GPC3: variants seen among roughly 807,000 people sequenced by gnomAD.
GPC3 encodes the protein glypican 3.
In GPC3, 3 loss-of-function variants were observed where a neutral mutation model predicts 34.4. That is an observed-to-expected ratio of 0.09 (90% CI 0.04 to 0.23). The LOEUF (loss-of-function observed/expected upper bound fraction) is 0.23, where lower values mean the gene tolerates loss of function less well. Among genes scored for constraint, GPC3 ranks in the 10% least tolerant of loss-of-function variants. The pLI is 1.00. For synonymous variants in GPC3, 177 were observed against 174.0 expected (o/e 1.02, Z -0.13); for missense variants, 351 against 445.6 (o/e 0.79, Z 1.91).
chrX:133,777,290 A>G (rs756078014), intron 2 of GPC3, among the ~76,000 whole-genome samples: 22 of 110,617 alleles, frequency 2.0e-4, no homozygotes, highest in Non-Finnish European at 3.6e-4. Context: ...TCTAAGTCTC[A>G]AGCAATTCCT....
At chrX:133,848,162 C>A (rs968419097) in intron 2 of GPC3, among the ~76,000 whole-genome samples, 5 of 111,512 alleles carry the variant, frequency 4.5e-5, no homozygotes, top group Non-Finnish European at 7.5e-5. Flanking sequence ...TCCATTACAG[C>A]CAAGAATTCA....
chrX:133,909,294 AT>A (rs1337726181), intron 2 of GPC3, among the ~76,000 whole-genome samples: 1 of 112,535 alleles, frequency 8.9e-6, no homozygotes, highest in Non-Finnish European at 1.9e-5. Flanking sequence ...TTCACAATCT[AT>A]GCACAAGGAT....
chrX:133,862,175 C>T (rs2075939961), intron 2 of GPC3, among the ~76,000 whole-genome samples: 1 of 109,971 alleles, frequency 9.1e-6, no homozygotes, highest in Non-Finnish European at 1.9e-5. Context: ...GTCTTTCTGT[C>T]TAATCTGCAT....
intron 2 of GPC3, among the ~76,000 whole-genome samples, chrX:133,926,776 T>TCCCCCCCCCCCCCCCCCCCCC (rs1243113420): frequency 9.4e-6 from 1 of 106,187 alleles, no homozygotes; most frequent in African/African-American, 3.4e-5. Context: ...AAAAATACCG[T>TCCCCCCCCCCCCCCCCCCCCC]CCCCCCTCCG....
At chrX:133,816,087 G>A (rs896798422) in intron 2 of GPC3, among the ~76,000 whole-genome samples, 1 of 110,668 alleles carries the variant, frequency 9.0e-6, no homozygotes, top group African/African-American at 3.3e-5. Flanking sequence ...ATCTCCTTCT[G>A]TCACCCAGGC....
chrX:133,554,721 T>C (rs1229290133), intron 7 of GPC3, among the ~76,000 whole-genome samples: 1 of 110,935 alleles, frequency 9.0e-6, no homozygotes, highest in East Asian at 2.8e-4. Context: ...AATAGCCAAT[T>C]GGAATTAGCT....
chrX:133,820,482 G>A (rs2075713816), intron 2 of GPC3, among the ~76,000 whole-genome samples: 1 of 111,577 alleles, frequency 9.0e-6, no homozygotes, highest in African/African-American at 3.3e-5. Context: ...GACTTTGAGT[G>A]GCAGTAAAAT....
intron 7 of GPC3, among the ~76,000 whole-genome samples, chrX:133,573,864 T>C (rs2069653096): frequency 8.9e-6 from 1 of 112,363 alleles, no homozygotes; most frequent in Non-Finnish European, 1.9e-5. Context: ...TGTTCCCACT[T>C]TTTGGCTATA....
At chrX:133,810,741 T>C (rs1294983128) in intron 2 of GPC3, among the ~76,000 whole-genome samples, 1 of 105,843 alleles carries the variant, frequency 9.4e-6, no homozygotes, top group East Asian at 2.9e-4. Context: ...CCGTCTCTAC[T>C]AAAAATACAA....
At chrX:133,903,799 C>G (rs1221420052) in intron 2 of GPC3, among the ~76,000 whole-genome samples, 1 of 111,406 alleles carries the variant, frequency 9.0e-6, no homozygotes, top group East Asian at 2.8e-4. Flanking sequence ...GGCACTCAGT[C>G]TTCCTCTCCC....
At chrX:133,696,808 C>T (rs916469361) in intron 4 of GPC3, among the ~76,000 whole-genome samples, 5 of 112,767 alleles carry the variant, frequency 4.4e-5, no homozygotes, top group African/African-American at 1.6e-4. Context: ...AAATGTCAAA[C>T]ATAGCATTGA....
intron 2 of GPC3, among the ~76,000 whole-genome samples, chrX:133,843,930 A>G (rs1007458295): frequency 3.6e-5 from 4 of 112,119 alleles, no homozygotes; most frequent in Non-Finnish European, 5.6e-5. Context: ...ATCTTTCCTT[A>G]GCTTATACAT....
intron 2 of GPC3, among the ~76,000 whole-genome samples, chrX:133,938,237 C>T (rs1218727973): frequency 8.9e-6 from 1 of 112,004 alleles, no homozygotes; most frequent in Non-Finnish European, 1.9e-5. Context: ...CTCACAAAAA[C>T]CATGTAAGGT....
chrX:133,985,078 G>A (rs2076560384), intron 1 of GPC3, among the ~76,000 whole-genome samples, 197 bp downstream of exon 1: 1 of 111,854 alleles, frequency 8.9e-6, no homozygotes, highest in Non-Finnish European at 1.9e-5. Context: ...ACTGGGGGAT[G>A]TGGGCTCCGT....
intron 6 of GPC3, among the ~76,000 whole-genome samples, chrX:133,656,127 C>A (rs768278435): frequency 2.0e-4 from 22 of 112,184 alleles, no homozygotes; most frequent in Admixed American, 8.5e-4. Flanking sequence ...CAAAGTTCCT[C>A]TGTTTCCATA....
At chrX:133,688,471 T>C (rs1304008475) in intron 5 of GPC3, among the ~76,000 whole-genome samples, 1 of 111,769 alleles carries the variant, frequency 8.9e-6, no homozygotes, top group African/African-American at 3.3e-5. Flanking sequence ...GGATGGAAAA[T>C]ATGACCTTAT....
intron 2 of GPC3, among the ~76,000 whole-genome samples, chrX:133,780,314 T>C (rs1225302366): frequency 8.9e-6 from 1 of 112,042 alleles, no homozygotes; most frequent in Admixed American, 9.5e-5. Context: ...CTGCCAAAAC[T>C]ATTTCAGAGT....
intron 3 of GPC3, among the ~76,000 whole-genome samples, chrX:133,726,966 G>A (rs755230818): frequency 1.8e-5 from 2 of 111,878 alleles, no homozygotes; most frequent in Non-Finnish European, 3.8e-5. Context: ...GAAGCAAGAT[G>A]CTTGACTTGA....
chrX:133,799,399 A>AT (rs1406137635), intron 2 of GPC3, among the ~76,000 whole-genome samples: 3 of 111,093 alleles, frequency 2.7e-5, no homozygotes, highest in Non-Finnish European at 5.7e-5. Flanking sequence ...CTCAAAAAAA[A>AT]GTCCTGAAGC....
Sources: gnomAD v4.1 joint callset for allele counts (sites outside exome capture counted in the v4.1 genomes callset) on GRCh38, gnomAD v4.1.1 for gene constraint, MANE v1.5 for transcripts, NCBI Gene and HGNC (gene_info 2026-07-23, HGNC 2026-07-21) for gene names.